The following PAX5 variants were observed in gnomAD, a reference collection of about 807,000 sequenced individuals.
PAX5 encodes paired box 5.
PAX5 carries 9 observed loss-of-function variants against 43.7 expected under a neutral mutation model. The observed-to-expected ratio is 0.21, with a 90% confidence interval of 0.12 to 0.36. The LOEUF is 0.36. PAX5 is among the 10% of genes least tolerant of loss of function. The pLI, the probability that PAX5 is intolerant of heterozygous loss-of-function variation, is 1.00. For missense variants in PAX5, 383 were observed against 532.7 expected, an observed-to-expected ratio of 0.72 and a Z score of 2.77; for synonymous variants, 228 against 214.3, an observed-to-expected ratio of 1.06 and a Z score of -0.56.
At chr9:37,031,284 T>G (rs967366493) in intron 1 of PAX5, among the ~76,000 whole-genome samples, 1 of 152,218 alleles carries the variant, frequency 6.6e-6, no homozygotes, top group African/African-American at 2.4e-5. Context: ...AGGCAGCCCC[T>G]TCTAAAGCCT....
At chr9:36,860,691 CG>C (rs1563901946) in intron 8 of PAX5, among the ~76,000 whole-genome samples, 1 of 152,196 alleles carries the variant, frequency 6.6e-6, no homozygotes, top group African/African-American at 2.4e-5. Flanking sequence ...CCAGTTCCCA[CG>C]GCCTCTGAAA....
chr9:36,866,723 C>T (rs1210026291), intron 8 of PAX5, among the ~76,000 whole-genome samples: 1 of 152,174 alleles, frequency 6.6e-6, no homozygotes, highest in Non-Finnish European at 1.5e-5. Context: ...CTGGCTCCCC[C>T]TCTGACTTGC....
intron 2 of PAX5, 56 bp downstream of exon 2, chr9:37,020,580 C>T: frequency 6.5e-7 from 1 of 1,544,074 alleles, no homozygotes; most frequent in Non-Finnish European, 8.9e-7. Context: ...GCTGCTGGGT[C>T]ATGTTTTAGG....
intron 5 of PAX5, among the ~76,000 whole-genome samples, chr9:36,976,511 C>G (rs960773639): frequency 6.6e-6 from 1 of 152,160 alleles, no homozygotes; most frequent in Non-Finnish European, 1.5e-5. Context: ...AGGCCCCATG[C>G]TAGGGATGAG....
chr9:36,887,759 C>T (rs911223830), intron 7 of PAX5, among the ~76,000 whole-genome samples: 3 of 151,840 alleles, frequency 2.0e-5, no homozygotes. Flanking sequence ...ATGACACAAA[C>T]AAAAAAATAG....
intron 7 of PAX5, among the ~76,000 whole-genome samples, chr9:36,886,670 T>C (rs1211893115): frequency 6.6e-6 from 1 of 151,608 alleles, no homozygotes; most frequent in Non-Finnish European, 1.5e-5. Context: ...AAAGCACACA[T>C]TTCTTTCATT....
intron 7 of PAX5, among the ~76,000 whole-genome samples, chr9:36,913,635 T>A (rs991532605): frequency 1.4e-4 from 21 of 152,226 alleles, no homozygotes; most frequent in Admixed American, 1.3e-3. Context: ...TGGTGAGCAG[T>A]TTCAGAACTG....
intron 8 of PAX5, among the ~76,000 whole-genome samples, chr9:36,863,406 G>A (rs1374097485): frequency 2.0e-5 from 3 of 152,220 alleles, no homozygotes; most frequent in Non-Finnish European, 4.4e-5. Flanking sequence ...TGGGATTACA[G>A]GTGTGAGCCA....
At chr9:37,000,907 T>C (rs1837793188) in intron 5 of PAX5, among the ~76,000 whole-genome samples, 1 of 152,246 alleles carries the variant, frequency 6.6e-6, no homozygotes, top group Admixed American at 6.5e-5. Flanking sequence ...CCAGTCTCGC[T>C]TATTCTGCTC....
At chr9:37,025,838 G>A (rs1339419880) in intron 1 of PAX5, among the ~76,000 whole-genome samples, 3 of 151,978 alleles carry the variant, frequency 2.0e-5, no homozygotes, top group Admixed American at 1.3e-4. Flanking sequence ...TTTCTTTTTC[G>A]TTTCTTATCC....
At chr9:36,933,630 A>T (rs1831309751) in intron 6 of PAX5, among the ~76,000 whole-genome samples, 1 of 152,192 alleles carries the variant, frequency 6.6e-6, no homozygotes, top group Non-Finnish European at 1.5e-5. Flanking sequence ...ACACTCCTCC[A>T]TGAAGGGCCC....
At chr9:36,983,990 A>C (rs1295693109) in intron 5 of PAX5, among the ~76,000 whole-genome samples, 2 of 152,234 alleles carry the variant, frequency 1.3e-5, no homozygotes, top group African/African-American at 4.8e-5. Context: ...CATGAATAGT[A>C]AAAGCTTGTT....
At chr9:36,920,700 T>C (rs1340755366) in intron 7 of PAX5, among the ~76,000 whole-genome samples, 1 of 152,172 alleles carries the variant, frequency 6.6e-6, no homozygotes, top group Non-Finnish European at 1.5e-5. Flanking sequence ...AATCCAAAAT[T>C]TGAAATGCCT....
chr9:36,939,881 G>A (rs1324326907), intron 6 of PAX5, among the ~76,000 whole-genome samples: 1 of 151,852 alleles, frequency 6.6e-6, no homozygotes, highest in African/African-American at 2.4e-5. Context: ...CAGCAGATTG[G>A]ATGCCCAGTG....
intron 2 of PAX5, among the ~76,000 whole-genome samples, chr9:37,016,999 A>T (rs1839442286): frequency 6.6e-6 from 1 of 152,212 alleles, no homozygotes; most frequent in African/African-American, 2.4e-5. Context: ...CCTCTTTCTA[A>T]AAAATTGCTT....
intron 5 of PAX5, among the ~76,000 whole-genome samples, chr9:36,996,083 G>A (rs1242032496): frequency 6.6e-6 from 1 of 152,224 alleles, no homozygotes; most frequent in African/African-American, 2.4e-5. Flanking sequence ...CAGTACTATG[G>A]AATCGCTCCG....
intron 7 of PAX5, among the ~76,000 whole-genome samples, chr9:36,921,051 G>A (rs1830135119): frequency 6.6e-6 from 1 of 152,162 alleles, no homozygotes. Context: ...GACCTCAGGT[G>A]ATCTGCCCGC....
chr9:36,981,599 A>G (rs1480439474), intron 5 of PAX5, among the ~76,000 whole-genome samples: 2 of 152,210 alleles, frequency 1.3e-5, no homozygotes, highest in Admixed American at 1.3e-4. Flanking sequence ...AAAATCCCTG[A>G]GGGAAAACAG....
chr9:36,995,352 C>T lies in PAX5; in HGVS notation c.604+7296G>A, dbSNP rs371369242. Among the ~76,000 whole-genome samples, 5 of 152,204 alleles carry T rather than the reference C, an allele frequency of 3.3e-5. No individual in the cohort carries two copies. The East Asian group carries it at 9.7e-4, about 29-fold the overall frequency. On this transcript the variant is annotated intron_variant, in intron 5 of 9. Transcript: ENST00000358127. Reference sequence around the variant, plus strand: ...TGGCAGGCCCTGAGTGGGCAATGGCCTGGAGACGGGAAGCTGAGCCAACAC... The same window carrying T: ...TGGCAGGCCCTGAGTGGGCAATGGCTTGGAGACGGGAAGCTGAGCCAACAC...
Sources: allele counts gnomAD v4.1 joint callset (sites outside exome capture counted in the v4.1 genomes callset), GRCh38; gene constraint gnomAD v4.1.1; transcripts MANE v1.5; gene names NCBI Gene and HGNC (gene_info 2026-07-23, HGNC 2026-07-21).